The following AKAP11 variants were observed in gnomAD, a reference collection of about 807,000 sequenced individuals.
AKAP11 encodes A-kinase anchor protein 11.
Under a neutral mutation model 146.1 loss-of-function variants are expected in AKAP11, and 36 were observed. That is an observed-to-expected ratio of 0.25 (90% CI 0.19 to 0.33). The LOEUF is 0.33. Among genes scored for constraint, AKAP11 ranks in the 10% least tolerant of loss-of-function variants. AKAP11 has a pLI of 1.00. For synonymous variants in AKAP11, 780 were observed against 786.5 expected (o/e 0.99, Z 0.14); for missense variants, 2,201 against 2,197.0 (o/e 1.00, Z -0.04).
chr13:42,319,867 A>G lies in AKAP11; in HGVS notation c.*639A>G, dbSNP rs1269470072. 1.3e-5 allele frequency: 2 copies of G among 151,036 alleles called. No individual in the cohort carries two copies. The highest frequency in any genetic ancestry group is 2.9e-5 in the Non-Finnish European group (2 of 68,058). 9.4% of individuals were successfully genotyped at this position (151,036 alleles called of 1,614,324 possible). A position where few individuals can be genotyped will look rare whatever the true frequency, so the allele number is the denominator to read the frequency against. ...GATAGTTTCCCCCATCCTTTCATTG[A>G]CATTATTTGCCAATGCTGCCAGTCA... On this transcript the variant is annotated 3_prime_UTR_variant, in exon 13 of 13. Transcript: ENST00000025301.
At position 42,299,772 on chromosome 13, in the gene AKAP11, A is replaced by G; in HGVS notation, c.1026A>G (p.Lys342=). ...KLELPKIPVM[K]DDIEDSDSEV... is the part of the protein sequence containing the mutation. ...AGCTGCCTAAAATTCCTGTGATGAA[A>G]GATGATATAGAGGATTCAGACTCAG... is the stretch of plus-strand genomic sequence containing the variant. The change falls in exon 8 of 13, where the codon AAA becomes AAG. Residue 342 remains lysine (K), a synonymous_variant. Coordinates refer to ENST00000025301, the MANE Select transcript of AKAP11 (RefSeq NM_016248.4). 6.2e-7 allele frequency: 1 copy of G among 1,613,968 alleles called. No individual in the cohort carries two copies. The highest frequency in any genetic ancestry group is 8.5e-7 in the Non-Finnish European group (1 of 1,179,906).
At chr13:42,277,989 A>G (rs546680287) in intron 1 of AKAP11, among the ~76,000 whole-genome samples, 1 of 152,300 alleles carries the variant, frequency 6.6e-6, no homozygotes, top group Admixed American at 6.5e-5. Context: ...TCCCCAAGGA[A>G]ATGTTTGGTA....
chr13:42,279,979 A>G (rs1370161801), intron 1 of AKAP11, among the ~76,000 whole-genome samples: 3 of 152,204 alleles, frequency 2.0e-5, no homozygotes, highest in South Asian at 2.1e-4. Flanking sequence ...TGAGGAGTCT[A>G]TCATTACCTG....
At chr13:42,287,932 C>G (rs1055586037) in intron 3 of AKAP11, among the ~76,000 whole-genome samples, 2 of 152,120 alleles carry the variant, frequency 1.3e-5, no homozygotes, top group African/African-American at 4.8e-5. Flanking sequence ...CTATTATTAC[C>G]AGGTTAGTGT....
At position 42,322,743 on chromosome 13, in the gene AKAP11, A is replaced by T. The variant is rs912786954; in HGVS notation, c.*3515A>T. ...TCCTGCTCTGAAGATGTGGATACAG[A>T]ATTAGTCACTCTTGTCACTTTATTT... is the stretch of plus-strand genomic sequence containing the variant. On this transcript the variant is annotated 3_prime_UTR_variant, in exon 13 of 13. Transcript: ENST00000025301. The T allele has an allele frequency of 2.6e-5, 4 of 152,622 alleles. No homozygotes were observed. Among genetic ancestry groups the T allele is most frequent in the Non-Finnish European group, 4.4e-5 (3 of 68,008 alleles). 9.5% of individuals were successfully genotyped at this position (152,622 alleles called of 1,614,324 possible). A position where few individuals can be genotyped will look rare whatever the true frequency, so the allele number is the denominator to read the frequency against.
intron 1 of AKAP11, among the ~76,000 whole-genome samples, chr13:42,274,941 T>C (rs1189355793): frequency 6.6e-6 from 1 of 152,246 alleles, no homozygotes; most frequent in African/African-American, 2.4e-5. Context: ...CTCAAAAAGT[T>C]AGTGCGAAGC....
intron 3 of AKAP11, among the ~76,000 whole-genome samples, chr13:42,290,142 C>T (rs1959194883): frequency 6.6e-6 from 1 of 152,154 alleles, no homozygotes; most frequent in African/African-American, 2.4e-5. Context: ...GATTGTATCT[C>T]TTTGGTCTTC....
At chr13:42,289,407 T>G (rs894234334) in intron 3 of AKAP11, among the ~76,000 whole-genome samples, 1 of 152,204 alleles carries the variant, frequency 6.6e-6, no homozygotes, top group Non-Finnish European at 1.5e-5. Flanking sequence ...TTATTTGTAA[T>G]GCTCTGGACT....
rs1249282389 is a variant in AKAP11 at position 42,303,272 on chromosome 13, A to T, written c.4526A>T (p.Lys1509Met). ...TGTCACGTTACACCAGAATTGCCTA[A>T]GTCTCTTCAGCCTTCCTCACAAAAT... ...NECHVTPELP[K>M]SLQPSSQNHR... The change falls in exon 8 of 13, where the codon AAG becomes ATG. Residue 1509 changes from lysine (K) to methionine (M), a missense_variant. Lys to Met is a moderately conservative substitution (Grantham distance 95). This residue lies in a region of AKAP11 where 1,867 missense variants were observed against 1,833.5 expected (regional missense o/e 1.02). Coordinates refer to ENST00000025301, the MANE Select transcript of AKAP11 (RefSeq NM_016248.4). 6.2e-7 allele frequency: 1 copy of T among 1,613,368 alleles called. No homozygotes were observed. The highest frequency in any genetic ancestry group is 1.3e-5 in the African/African-American group (1 of 74,936).
At chr13:42,285,804 T>G (rs568861810) in intron 1 of AKAP11, among the ~76,000 whole-genome samples, 182 bp from the exon 2 acceptor site, 1 of 148,406 alleles carries the variant, frequency 6.7e-6, no homozygotes, top group Admixed American at 6.7e-5. Flanking sequence ...ATTTGATATG[T>G]ACAGATTTCT....
intron 1 of AKAP11, among the ~76,000 whole-genome samples, chr13:42,279,271 A>G (rs889075726): frequency 6.7e-6 from 1 of 150,114 alleles, no homozygotes; most frequent in Non-Finnish European, 1.5e-5. Context: ...ACCCACACAC[A>G]CACACACACA....
In AKAP11 at chr13:42,321,709, A is replaced by C. The variant is rs1961094015; in HGVS notation, c.*2481A>C. On this transcript the variant is annotated 3_prime_UTR_variant, in exon 13 of 13. Transcript: ENST00000025301. ...AGATCTATTTGGTTGCTCTATAGTC[A>C]AACAGCTCTTTTGAAGACAACTGTC... 1 of 152,344 alleles carries C rather than the reference A, an allele frequency of 6.6e-6. No individual in the cohort carries two copies. The highest frequency in any genetic ancestry group is 6.5e-5 in the Admixed American group (1 of 15,280). 9.4% of individuals were successfully genotyped at this position (152,344 alleles called of 1,614,324 possible). A position where few individuals can be genotyped will look rare whatever the true frequency, so the allele number is the denominator to read the frequency against.
chr13:42,310,805 GCTGAGAT>G (rs1363195145), intron 9 of AKAP11, among the ~76,000 whole-genome samples: 6 of 151,208 alleles, frequency 4.0e-5, no homozygotes, highest in Non-Finnish European at 5.9e-5. Context: ...ATTGCAGTGA[GCTGAGAT>G]TGTGCCACTG....
intron 8 of AKAP11, among the ~76,000 whole-genome samples, chr13:42,307,164 A>G (rs968769605): frequency 6.6e-6 from 1 of 152,204 alleles, no homozygotes; most frequent in Admixed American, 6.5e-5. Context: ...GTAGTAATCT[A>G]TCAATGGTTC....
At chr13:42,278,211 A>G (rs780336790) in intron 1 of AKAP11, among the ~76,000 whole-genome samples, 4 of 152,228 alleles carry the variant, frequency 2.6e-5, no homozygotes, top group Non-Finnish European at 4.4e-5. Context: ...TGAGGATTAA[A>G]AAGGAAAAAG....
rs370870426 is a variant in AKAP11 at position 42,272,176 on chromosome 13, G to T, written c.-152G>T. On this transcript the variant is annotated 5_prime_UTR_variant, in exon 1 of 13. Transcript: ENST00000025301. Reference sequence around the variant, plus strand: ...CAGCTTGCTTGCCCGGCTCGCTCACGGGTCGTTGAGGCCGGTGACATGTCT... The same window carrying T: ...CAGCTTGCTTGCCCGGCTCGCTCACTGGTCGTTGAGGCCGGTGACATGTCT... 6.5e-6 allele frequency: 1 copy of T among 153,170 alleles called. No homozygotes were observed. Among genetic ancestry groups the T allele is most frequent in the South Asian group, 1.8e-4 (1 of 5,604 alleles). 9.5% of individuals were successfully genotyped at this position (153,170 alleles called of 1,614,324 possible).
intron 11 of AKAP11, among the ~76,000 whole-genome samples, chr13:42,316,900 T>C (rs1446779393): frequency 6.6e-6 from 1 of 152,210 alleles, no homozygotes; most frequent in Non-Finnish European, 1.5e-5. Context: ...TGTTTGTTTT[T>C]TGGGACAAAG....
Position 42,302,135 on chromosome 13 carries a change from A to G in AKAP11, c.3389A>G (p.Lys1130Arg). The G allele has an allele frequency of 6.2e-7, 1 of 1,614,218 alleles. No individual in the cohort carries two copies. The highest frequency in any genetic ancestry group is 8.5e-7 in the Non-Finnish European group (1 of 1,180,028). ...LTKKLKGELAKEFAPATPPST... is the reference protein window; with the variant it reads ...LTKKLKGELAREFAPATPPST... Reference sequence around the variant, plus strand: ...AAAAAGCTCAAGGGAGAATTAGCCAAAGAGTTTGCACCTGCTACACCACCT... The same window carrying G: ...AAAAAGCTCAAGGGAGAATTAGCCAGAGAGTTTGCACCTGCTACACCACCT... Residue 1130 changes from lysine to arginine, a missense_variant, in exon 8 of 13, where the codon AAA (lysine) becomes AGA (arginine). Physicochemically the swap from Lys to Arg is conservative, Grantham distance 26. Around this residue, in one of 3 missense-constraint regions of AKAP11, gnomAD observed 1,867 missense variants for 1,833.5 expected, o/e 1.02. Coordinates refer to ENST00000025301, the MANE Select transcript of AKAP11 (RefSeq NM_016248.4).
intron 1 of AKAP11, among the ~76,000 whole-genome samples, chr13:42,275,769 G>T (rs1409025656): frequency 6.6e-6 from 1 of 152,156 alleles, no homozygotes; most frequent in African/African-American, 2.4e-5. Context: ...ACCTTCTGTG[G>T]TGAGAATTAT....
Sources: gnomAD v4.1 joint callset for allele counts (sites outside exome capture counted in the v4.1 genomes callset) on GRCh38, gnomAD v4.1.1 for gene constraint, gnomAD v4.1.1 regional missense constraint, MANE v1.5 for transcripts, NCBI Gene and HGNC (gene_info 2026-07-23, HGNC 2026-07-21) for gene names.